ZNF607: variants seen among roughly 807,000 people sequenced by gnomAD.
ZNF607 encodes zinc finger protein 607.
Under a neutral mutation model 12.8 loss-of-function variants are expected in ZNF607, and 5 were observed. That is an observed-to-expected ratio of 0.39 (90% CI 0.20 to 0.82). The LOEUF (loss-of-function observed/expected upper bound fraction) is 0.82. Among genes scored for constraint, ZNF607 ranks in the 40% least tolerant of loss-of-function variants. The pLI is 0.39. For synonymous variants in ZNF607, 287 were observed against 276.2 expected (o/e 1.04, Z -0.39); for missense variants, 851 against 859.2 (o/e 0.99, Z 0.12).
Position 37,699,150 on chromosome 19 carries a change from A to G in ZNF607, c.981T>C (p.His327=). 1 of 1,614,186 alleles carries G rather than the reference A, an allele frequency of 6.2e-7. No homozygotes were observed. The highest frequency in any genetic ancestry group is 1.1e-5 in the South Asian group (1 of 91,084). Residue 327 remains histidine (H), a synonymous_variant, in exon 5 of 5, where the codon CAT becomes CAC. Transcript: ENST00000355202. The part of the protein sequence containing the change: ...GFTCRYQLTM[H]QRIYSGEKHY... ...GTTTCTCCCCTGAATAAATTCTCTGATGCATGGTAAGTTGATACCTACATG... is the reference window on the plus strand; with the variant it reads ...GTTTCTCCCCTGAATAAATTCTCTGGTGCATGGTAAGTTGATACCTACATG...
At chr19:37,705,308 A>G (rs2045072077) in intron 4 of ZNF607, among the ~76,000 whole-genome samples, 1 of 152,240 alleles carries the variant, frequency 6.6e-6, no homozygotes, top group Non-Finnish European at 1.5e-5. Context: ...CCTTGAAAGA[A>G]GCAGACCACC....
chr19:37,711,736 C>T (rs1374244247), intron 1 of ZNF607, 44 bp from the exon 2 acceptor site: 5 of 932,238 alleles, frequency 5.4e-6, no homozygotes, highest in African/African-American at 1.7e-5. Flanking sequence ...CTTTAGTGGT[C>T]CCCATAGGAC....
intron 1 of ZNF607, among the ~76,000 whole-genome samples, chr19:37,712,344 C>T (rs978340707): frequency 1.3e-5 from 2 of 152,028 alleles, no homozygotes; most frequent in Non-Finnish European, 2.9e-5. Context: ...GAGAGAAAGG[C>T]TGGCAGACAG....
At chr19:37,709,938 T>G in intron 2 of ZNF607, 116 bp from the exon 3 acceptor site, 1 of 1,149,932 alleles carries the variant, frequency 8.7e-7, no homozygotes, top group Non-Finnish European at 1.2e-6. Context: ...GGGCAGATCA[T>G]GAGGTCAAGA....
intron 2 of ZNF607, among the ~76,000 whole-genome samples, chr19:37,710,193 G>A (rs1004515352): frequency 3.5e-5 from 5 of 144,604 alleles, no homozygotes; most frequent in African/African-American, 5.1e-5. Context: ...GGCCGGGCGC[G>A]GTGGCTCACG....
At position 37,698,683 on chromosome 19, in the gene ZNF607, C is replaced by T. The variant is rs772067912; in HGVS notation, c.1448G>A (p.Gly483Glu). 1.7e-5 allele frequency: 27 copies of T among 1,613,014 alleles called. No homozygotes were observed. The highest frequency in any genetic ancestry group is 2.1e-5 in the Non-Finnish European group (25 of 1,179,460). The change falls in exon 5 of 5, where the codon GGG (glycine) becomes GAG (glutamate). Residue 483 changes from glycine to glutamate, a missense_variant. By Grantham distance (98) the Gly-to-Glu change is moderately conservative. Transcript: ENST00000355202. The part of the protein sequence containing the change: ...GEKPYVCQEC[G>E]KGFSYSHKLT... ...TTTATGGCTATAACTAAAACCCTTC[C>T]CACACTCTTGACATACATAGGGTTT... is the stretch of plus-strand genomic sequence containing the variant.
chr19:37,708,124 G>A lies in ZNF607; in HGVS notation c.137-112C>T, dbSNP rs2045102137. 7 of 697,132 alleles carry A rather than the reference G, an allele frequency of 1.0e-5. No individual in the cohort carries two copies. In the South Asian group the frequency reaches 1.7e-4, roughly 17 times the overall value. 43.2% of individuals were successfully genotyped at this position (697,132 alleles called of 1,614,324 possible). A position where few individuals can be genotyped will look rare whatever the true frequency, so the allele number is the denominator to read the frequency against. On this transcript the variant is annotated intron_variant, in intron 3 of 4. Coordinates refer to ENST00000355202, the MANE Select transcript of ZNF607 (RefSeq NM_032689.5). Reference sequence around the variant, plus strand: ...AAGTGATACTGAGTAAGATTTTAGAGAAGAGTGAGGGAAATAAAGAAAAAG... The same window carrying A: ...AAGTGATACTGAGTAAGATTTTAGAAAAGAGTGAGGGAAATAAAGAAAAAG...
In ZNF607 at chr19:37,696,834, GCTCT is replaced by G; in HGVS notation, c.*1202_*1205del. 1.1e-6 allele frequency: 1 copy of G among 944,312 alleles called. No homozygotes were observed. The highest frequency in any genetic ancestry group is 1.4e-5 in the South Asian group (1 of 72,250). 58.5% of individuals were successfully genotyped at this position (944,312 alleles called of 1,614,324 possible). On this transcript the variant is annotated 3_prime_UTR_variant, in exon 5 of 5. Transcript: ENST00000355202. ...CCGCCTTTTCCACCACAAATCTGGC[GCTCT>G]CTGCTTCCTGGGGGGCCACCTGTCT...
At chr19:37,707,365 C>A (rs1343093977) in intron 4 of ZNF607, among the ~76,000 whole-genome samples, 2 of 152,022 alleles carry the variant, frequency 1.3e-5, no homozygotes, top group African/African-American at 4.8e-5. Flanking sequence ...GTGGTGCACA[C>A]CTGTGGTCCC....
intron 1 of ZNF607, among the ~76,000 whole-genome samples, chr19:37,716,598 G>T (rs570050151): frequency 6.6e-6 from 1 of 152,192 alleles, no homozygotes; most frequent in East Asian, 1.9e-4. Flanking sequence ...ATTCTCTTCT[G>T]TAAAGACAAA....
chr19:37,716,258 AATTG>A (rs568274508), intron 1 of ZNF607, among the ~76,000 whole-genome samples: 9 of 152,218 alleles, frequency 5.9e-5, no homozygotes, highest in Admixed American at 2.0e-4. Context: ...TAGAAAAAAA[AATTG>A]ATTGGTGACT....
intron 4 of ZNF607, among the ~76,000 whole-genome samples, chr19:37,702,287 C>CAAAAAAAAAAAAAAAAAAAAAA (rs10714690): frequency 1.4e-5 from 1 of 73,628 alleles, no homozygotes; most frequent in Non-Finnish European, 2.5e-5. Context: ...AACTCCATCT[C>CAAAAAAAAAAAAAAAAAAAAAA]AAAAAAAAAA....
At chr19:37,718,454 G>A (rs1455573914) in intron 1 of ZNF607, among the ~76,000 whole-genome samples, 1 of 152,098 alleles carries the variant, frequency 6.6e-6, no homozygotes, top group Admixed American at 6.6e-5. Flanking sequence ...CTTCACTGCA[G>A]GTTCTTGGGG....
At chr19:37,706,447 G>A (rs947513942) in intron 4 of ZNF607, 4 of 152,300 alleles carry the variant, frequency 2.6e-5, no homozygotes, top group African/African-American at 9.7e-5. Context: ...TGCTGTAGCT[G>A]TGTTTGTGTT....
In ZNF607 at chr19:37,698,743, T is replaced by C; in HGVS notation, c.1388A>G (p.Tyr463Cys). 15 of 1,613,338 alleles carry C rather than the reference T, an allele frequency of 9.3e-6. No homozygotes were observed. Among genetic ancestry groups the C allele is most frequent in the Non-Finnish European group, 1.3e-5 (15 of 1,179,412 alleles). ...ATGAATTCTCTCATGTATAACAAGA[T>C]ATGAGGCACAACGAAAGGACTTCCC... ...ECGKSFRCAS[Y>C]LVIHERIHTG... Residue 463 changes from tyrosine to cysteine, a missense_variant, in exon 5 of 5, where the codon TAT becomes TGT. By Grantham distance (194) the Tyr-to-Cys change is radical (BLOSUM62 -2). Coordinates refer to ENST00000355202, the MANE Select transcript of ZNF607 (RefSeq NM_032689.5).
chr19:37,705,561 T>TA (rs1264902272), intron 4 of ZNF607, among the ~76,000 whole-genome samples: 1 of 151,348 alleles, frequency 6.6e-6, no homozygotes, highest in East Asian at 2.0e-4. Context: ...GGTGGGCGCT[T>TA]ATAGTCTCAG....
In ZNF607 at chr19:37,697,543, A is replaced by T. The variant is rs945850073; in HGVS notation, c.*497T>A. On this transcript the variant is annotated 3_prime_UTR_variant, in exon 5 of 5. Coordinates refer to ENST00000355202, the MANE Select transcript of ZNF607 (RefSeq NM_032689.5). ...CCAGAAGGGATAAATATCTTCCCCC[A>T]TATCATCCCAGCTATAGGAAGCAGA... The T allele has an allele frequency of 4.2e-5, 22 of 522,672 alleles. No homozygotes were observed. Among genetic ancestry groups the T allele is most frequent in the Admixed American group, 3.3e-4 (11 of 33,736 alleles). 32.4% of individuals were successfully genotyped at this position (522,672 alleles called of 1,614,324 possible).
rs946869649 is a variant in ZNF607, at chr19:37,696,563, G to C, written c.*1477C>G. The C allele has an allele frequency of 8.1e-6, 4 of 492,664 alleles. No individual in the cohort carries two copies. The highest frequency in any genetic ancestry group is 5.9e-5 in the African/African-American group (3 of 50,492). The allele number at this position is 492,664 out of a possible 1,614,324, so 30.5% of individuals were successfully genotyped here. ...GGGTGAGGGCGAAAGGTGGTGTTAC[G>C]AATCATCGGGGCTGTGGCCCAGTTG... On this transcript the variant is annotated 3_prime_UTR_variant, in exon 5 of 5. Transcript: ENST00000355202.
Position 37,697,381 on chromosome 19 carries a change from A to G in ZNF607, c.*659T>C, listed in dbSNP as rs1599658033. The G allele has an allele frequency of 2.0e-6, 3 of 1,514,016 alleles. No individual in the cohort carries two copies. The East Asian group carries it at 6.8e-5, about 34-fold the overall frequency. 93.8% of individuals were successfully genotyped at this position (1,514,016 alleles called of 1,614,324 possible). On this transcript the variant is annotated 3_prime_UTR_variant, in exon 5 of 5. Coordinates refer to ENST00000355202, the MANE Select transcript of ZNF607 (RefSeq NM_032689.5). ...AAGGCCAGGCCAAACTTGCCGATGG[A>G]CTCAAACACTTTGGCAGCCATGTTT...
Sources: gnomAD v4.1 joint callset for allele counts (sites outside exome capture counted in the v4.1 genomes callset) on GRCh38, gnomAD v4.1.1 for gene constraint, MANE v1.5 for transcripts, NCBI Gene and HGNC (gene_info 2026-07-23, HGNC 2026-07-21) for gene names.